Variants in RNF128 observed in about 807,000 individuals in gnomAD.
RNF128 encodes the protein E3 ubiquitin-protein ligase RNF128.
A neutral mutation model predicts 26.2 loss-of-function variants in RNF128; 13 were observed. The ratio of observed to expected loss-of-function variants is 0.50; its 90% confidence interval spans 0.32 to 0.79. The LOEUF is 0.79. Among genes scored for constraint, RNF128 ranks in the 30% least tolerant of loss-of-function variants. The pLI is 0.03. For synonymous variants in RNF128, 149 were observed against 142.5 expected (o/e 1.05, Z -0.32); for missense variants, 315 against 349.7 (o/e 0.90, Z 0.79).
chrX:106,713,120 G>T (rs1336036238), intron 1 of RNF128, among the ~76,000 whole-genome samples: 1 of 107,211 alleles, frequency 9.3e-6, no homozygotes, highest in Non-Finnish European at 1.9e-5. Flanking sequence ...AGCTCAAGTC[G>T]TCCCCCACCC....
At position 106,727,035 on chromosome X, in the gene RNF128, C is replaced by T; in HGVS notation, c.122C>T (p.Ala41Val). Residue 41 changes from alanine (A) to valine (V), a missense_variant, in exon 1 of 7, where the codon GCA (alanine) becomes GTA (valine). Transcript: ENST00000255499. Reference protein sequence around the residue: ...PQAPGSRGAEAVWTAYLNVSW... With the variant: ...PQAPGSRGAEVVWTAYLNVSW... The stretch of plus-strand genomic sequence containing the variant: ...GCACCCGGTTCCCGGGGGGCTGAAG[C>T]AGTGTGGACCGCGTACCTCAACGTG... The T allele has an allele frequency of 8.3e-7, 1 of 1,205,102 alleles. No homozygotes were observed. The highest frequency in any genetic ancestry group is 1.1e-6 in the Non-Finnish European group (1 of 892,565).
chrX:106,774,263 C>T (rs1044831162), intron 2 of RNF128, among the ~76,000 whole-genome samples: 1 of 112,135 alleles, frequency 8.9e-6, no homozygotes, highest in Non-Finnish European at 1.9e-5. Context: ...AATAATACTT[C>T]CACATCTTCT....
intron 1 of RNF128, among the ~76,000 whole-genome samples, chrX:106,765,784 G>A (rs763912306): frequency 1.8e-5 from 2 of 111,104 alleles, no homozygotes; most frequent in African/African-American, 6.5e-5. Flanking sequence ...TGTCACATAT[G>A]TTTACATGTG....
At chrX:106,754,994 T>TA (rs1364819504) in intron 1 of RNF128, among the ~76,000 whole-genome samples, 1 of 111,171 alleles carries the variant, frequency 9.0e-6, no homozygotes, top group African/African-American at 3.3e-5. Flanking sequence ...TTGTTTTCTT[T>TA]AAAAAATAAA....
intron 1 of RNF128, among the ~76,000 whole-genome samples, chrX:106,769,140 C>T (rs1342618198): frequency 9.0e-6 from 1 of 111,505 alleles, no homozygotes; most frequent in Non-Finnish European, 1.9e-5. Context: ...CCAACTATGT[C>T]GTCCATTTTG....
At chrX:106,768,271 A>G (rs1203057033) in intron 1 of RNF128, among the ~76,000 whole-genome samples, 1 of 111,573 alleles carries the variant, frequency 9.0e-6, no homozygotes, top group African/African-American at 3.3e-5. Context: ...TATTGATTGG[A>G]ATAGTTTCAG....
intron 1 of RNF128, among the ~76,000 whole-genome samples, chrX:106,748,917 G>C (rs1929831858): frequency 9.0e-6 from 1 of 111,527 alleles, no homozygotes; most frequent in Non-Finnish European, 1.9e-5. Context: ...TATTTGAGAT[G>C]ACAAATATCC....
At chrX:106,721,242 C>T (rs1434953491) in intron 1 of RNF128, among the ~76,000 whole-genome samples, 2 of 112,248 alleles carry the variant, frequency 1.8e-5, no homozygotes, top group African/African-American at 3.2e-5. Flanking sequence ...CTTGTCTACA[C>T]ATTCTCTATA....
In RNF128 at chrX:106,715,610, T is replaced by A. The variant is rs762216178; in HGVS notation, c.406+21202T>A. On this transcript the variant is annotated intron_variant, in intron 1 of 6. Coordinates refer to the RNF128 transcript ENST00000324342. ...AACAAAACTTGCCTTTCTGATACCT[T>A]GACTGTAGACAGAATTGAGAGAATA... Among the ~76,000 whole-genome samples, 387 of 111,959 alleles carry A rather than the reference T, an allele frequency of 3.5e-3. 12 individuals carry two copies. The highest frequency in any genetic ancestry group is 4.6e-3 in the Middle Eastern group (1 of 217).
In RNF128 at chrX:106,718,949, C is replaced by T. The variant is rs746657816; in HGVS notation, c.406+24541C>T. On this transcript the variant is annotated intron_variant, in intron 1 of 6. Transcript: ENST00000324342. ...ATCAAGTTTGAGTCCTGTGCAGCTG[C>T]CACTAATCCTAATGCATATAGTTGG... Among the ~76,000 whole-genome samples, 9 of 111,771 alleles carry T rather than the reference C, an allele frequency of 8.1e-5. No homozygotes were observed. The East Asian group carries it at 2.3e-3, about 28-fold the overall frequency.
intron 1 of RNF128, among the ~76,000 whole-genome samples, chrX:106,755,943 C>T (rs1381068952): frequency 1.8e-5 from 2 of 110,933 alleles, no homozygotes; most frequent in African/African-American, 6.6e-5. Flanking sequence ...ACACCAACAA[C>T]AGACAAACAG....
chrX:106,721,762 T>C (rs1250186261), upstream of RNF128, among the ~76,000 whole-genome samples: 1 of 112,061 alleles, frequency 8.9e-6, no homozygotes, highest in Non-Finnish European at 1.9e-5. Flanking sequence ...AGTTAAGTCA[T>C]TATCAGCTAT....
chrX:106,782,298 C>G (rs1395915122), intron 2 of RNF128, among the ~76,000 whole-genome samples: 2 of 112,218 alleles, frequency 1.8e-5, no homozygotes, highest in East Asian at 5.6e-4. Context: ...TTTCTTCTTG[C>G]TGGCTCTATT....
intron 1 of RNF128, among the ~76,000 whole-genome samples, chrX:106,753,349 CTTTG>C (rs199646117): frequency 0.026 from 2,950 of 111,467 alleles, 96 homozygotes; most frequent in African/African-American, 0.091. Context: ...TTAGTTTTCT[CTTTG>C]TTTGTTTGTT....
chrX:106,746,341 A>G (rs1375662654), intron 1 of RNF128, among the ~76,000 whole-genome samples: 2 of 111,343 alleles, frequency 1.8e-5, no homozygotes, highest in Non-Finnish European at 3.8e-5. Context: ...ATGCTAGAAT[A>G]TTTAATATAT....
rs1165654443 is a variant in RNF128 at position 106,791,141 on chromosome X, GA to G, written c.1062del (p.Glu355ArgfsTer37). On this transcript the variant is annotated frameshift_variant, in exon 6 of 7. Coordinates refer to ENST00000255499, the MANE Select transcript of RNF128 (RefSeq NM_194463.2). LOFTEE classifies it high-confidence loss of function. Reference protein sequence around the residue: ...NEISNSASSHEEDNRSETASS... With the variant: ...NEISNSASSHXEDNRSETASS... ...AATATCTAATAGTGCCTCCTCCCAT[GA>G]AGAGGATAATCGCAGCGAGACCGCA... The G allele has an allele frequency of 8.3e-7, 1 of 1,206,642 alleles. No individual in the cohort carries two copies. Among genetic ancestry groups the G allele is most frequent in the Non-Finnish European group, 1.1e-6 (1 of 892,848 alleles).
At chrX:106,767,180 G>C (rs1383514019) in intron 1 of RNF128, among the ~76,000 whole-genome samples, 1 of 111,699 alleles carries the variant, frequency 9.0e-6, no homozygotes, top group Non-Finnish European at 1.9e-5. Flanking sequence ...TTTGACTTAG[G>C]ATTGTCTTGG....
intron 4 of RNF128, among the ~76,000 whole-genome samples, chrX:106,788,321 A>G (rs1602392595): frequency 1.9e-5 from 1 of 52,677 alleles, no homozygotes; most frequent in African/African-American, 7.6e-5. Flanking sequence ...AATATGTATT[A>G]ATATTATATA....
At chrX:106,747,332 G>A (rs1929808242) in intron 1 of RNF128, among the ~76,000 whole-genome samples, 1 of 111,893 alleles carries the variant, frequency 8.9e-6, no homozygotes. Context: ...TAGACTATCT[G>A]TTGTCCAATT....
Sources: allele counts gnomAD v4.1 joint callset (sites outside exome capture counted in the v4.1 genomes callset), GRCh38; gene constraint gnomAD v4.1.1; transcripts MANE v1.5; gene names NCBI Gene and HGNC (gene_info 2026-07-23, HGNC 2026-07-21).